The following PDZD2 variants were observed in gnomAD, a reference collection of about 807,000 sequenced individuals.
The protein encoded by PDZD2 is PDZ domain-containing protein 2.
PDZD2 carries 90 observed loss-of-function variants against 220.7 expected under a neutral mutation model. The ratio of observed to expected loss-of-function variants is 0.41; its 90% CI spans 0.34 to 0.49. The LOEUF is 0.49. Ranked by LOEUF, PDZD2 falls within the 20% of genes least tolerant of loss-of-function variation. The pLI, the probability that PDZD2 is intolerant of heterozygous loss-of-function variation, is 0.28. For synonymous variants in PDZD2, 1,375 were observed against 1,450.5 expected, an observed-to-expected ratio of 0.95 and a Z score of 1.18; for missense variants, 3,174 against 3,608.5, an observed-to-expected ratio of 0.88 and a Z score of 3.08.
chr5:32,055,386 G>A (rs1739001739), intron 10 of PDZD2, among the ~76,000 whole-genome samples: 1 of 151,830 alleles, frequency 6.6e-6, no homozygotes, highest in African/African-American at 2.4e-5. Context: ...TTTAAGAGAT[G>A]GAGTCTCACT....
intron 1 of PDZD2, among the ~76,000 whole-genome samples, chr5:31,643,213 A>G (rs805229): frequency 0.082 from 12,476 of 152,248 alleles, 1,035 homozygotes; most frequent in East Asian, 0.36. Context: ...GTGAGAGCCC[A>G]GTGGAATGGA....
chr5:31,997,228 C>T (rs1266188683), intron 4 of PDZD2, among the ~76,000 whole-genome samples: 3 of 152,078 alleles, frequency 2.0e-5, no homozygotes, highest in Non-Finnish European at 2.9e-5. Flanking sequence ...AGGGGTGTGG[C>T]AAACCAGACT....
chr5:32,049,318 C>T (rs964929232), intron 8 of PDZD2, among the ~76,000 whole-genome samples: 21 of 152,218 alleles, frequency 1.4e-4, no homozygotes, highest in Admixed American at 8.5e-4. Context: ...AAGGCAGGCT[C>T]AGTCCCTGAG....
chr5:32,034,903 A>T (rs1419142085), intron 6 of PDZD2, among the ~76,000 whole-genome samples: 2 of 152,178 alleles, frequency 1.3e-5, no homozygotes, highest in Non-Finnish European at 2.9e-5. Flanking sequence ...CCCTCCAGGG[A>T]ATCTCTAAAA....
At chr5:31,805,758 A>G (rs1202827553) in intron 2 of PDZD2, among the ~76,000 whole-genome samples, 1 of 152,210 alleles carries the variant, frequency 6.6e-6, no homozygotes, top group East Asian at 1.9e-4. Context: ...AAATAGGATC[A>G]TTGCAGGAAT....
chr5:32,104,820 A>G (rs919707690), intron 24 of PDZD2, among the ~76,000 whole-genome samples: 4 of 151,572 alleles, frequency 2.6e-5, no homozygotes, highest in African/African-American at 9.7e-5. Flanking sequence ...TATTTACAAT[A>G]TATTTAATAA....
Position 32,089,453 on chromosome 5 carries a change from A to C in PDZD2, c.6005A>C (p.His2002Pro). 1 of 1,613,926 alleles carries C rather than the reference A, an allele frequency of 6.2e-7. No homozygotes were observed. The highest frequency in any genetic ancestry group is 1.7e-5 in the Admixed American group (1 of 60,024). Residue 2002 changes from histidine (H) to proline (P), a missense_variant, in exon 20 of 25, where the codon CAC becomes CCC. This residue lies in a region of PDZD2 where 1,861 missense variants were observed against 2,001.0 expected (regional missense o/e 0.93). Coordinates refer to ENST00000438447, the MANE Select transcript of PDZD2 (RefSeq NM_178140.4). ...VPEQGMWSRF[H>P]MAVLSEPDRG... is the part of the protein sequence containing the mutation. ...GAGCAAGGCATGTGGAGCAGGTTCC[A>C]CATGGCTGTCCTCTCTGAACCCGAC... is the stretch of plus-strand genomic sequence containing the variant.
chr5:31,771,449 C>CTG (rs1752333238), intron 1 of PDZD2, among the ~76,000 whole-genome samples: 1 of 152,122 alleles, frequency 6.6e-6, no homozygotes, highest in Admixed American at 6.6e-5. Context: ...TCAGGGCCAC[C>CTG]AAGATCTATG....
intron 1 of PDZD2, among the ~76,000 whole-genome samples, chr5:31,774,688 C>A (rs1298458351): frequency 1.3e-5 from 2 of 151,570 alleles, no homozygotes; most frequent in Non-Finnish European, 2.9e-5. Flanking sequence ...CTTTGCACTC[C>A]AGCCTGTGAA....
At chr5:31,891,419 G>A (rs181313592) in intron 2 of PDZD2, among the ~76,000 whole-genome samples, 1 of 152,258 alleles carries the variant, frequency 6.6e-6, no homozygotes, top group African/African-American at 2.4e-5. Context: ...AGGTTCAAGT[G>A]ATTCTCCTCC....
intron 1 of PDZD2, among the ~76,000 whole-genome samples, chr5:31,779,984 C>G (rs972578960): frequency 6.6e-6 from 1 of 152,146 alleles, no homozygotes; most frequent in Non-Finnish European, 1.5e-5. Flanking sequence ...GGATTGAAGA[C>G]GTCGCCAGTT....
chr5:31,787,182 C>A (rs1003124164), intron 1 of PDZD2, among the ~76,000 whole-genome samples: 10 of 152,174 alleles, frequency 6.6e-5, no homozygotes, highest in Non-Finnish European at 1.0e-4. Context: ...CCTGACTGTT[C>A]TCAGTCAATT....
At position 31,749,788 on chromosome 5, in the gene PDZD2, A is replaced by G. The variant is rs1031585126; in HGVS notation, c.-360-49101A>G. ...GCTGCACTCCATTATGCTCTCCCCA[A>G]GTGTTCCTGGGTTGCTCCACAGGCT... On this transcript the variant is annotated intron_variant, in intron 1 of 24. Coordinates refer to ENST00000438447, the MANE Select transcript of PDZD2 (RefSeq NM_178140.4). Among the ~76,000 whole-genome samples the G allele has an allele frequency of 3.3e-5, 5 of 152,098 alleles. No individual in the cohort carries two copies. In the East Asian group the frequency reaches 5.8e-4, roughly 18 times the overall value.
At position 32,090,781 on chromosome 5, in the gene PDZD2, T is replaced by C. The variant is rs769949048; in HGVS notation, c.7333T>C (p.Ser2445Pro). The change falls in exon 20 of 25, where the codon TCA (serine) becomes CCA (proline). Residue 2445 changes from serine (S) to proline (P), a missense_variant. Coordinates refer to ENST00000438447, the MANE Select transcript of PDZD2 (RefSeq NM_178140.4). This position sits in a 1 kb window ranked among gnomAD's most constrained non-coding sequence, Gnocchi z 4.3. ...GGGCTCTGATTCGGAACTAAAGAAA[T>C]CACTTGGTCCTTTGGGAATTCCCAC... is the stretch of plus-strand genomic sequence containing the variant. Reference protein sequence around the residue: ...SKGSDSELKKSLGPLGIPTPT... With the variant: ...SKGSDSELKKPLGPLGIPTPT... 12 of 1,613,932 alleles carry C rather than the reference T, an allele frequency of 7.4e-6. No homozygotes were observed. Among genetic ancestry groups the C allele is most frequent in the Non-Finnish European group, 9.3e-6 (11 of 1,179,992 alleles).
At chr5:31,896,760 G>C (rs1741607918) in intron 2 of PDZD2, among the ~76,000 whole-genome samples, 1 of 152,198 alleles carries the variant, frequency 6.6e-6, no homozygotes, top group African/African-American at 2.4e-5. Flanking sequence ...AGGAGTTCGA[G>C]ACCAGCTCTG....
chr5:31,772,752 T>C (rs1039846373), intron 1 of PDZD2, among the ~76,000 whole-genome samples: 9 of 152,262 alleles, frequency 5.9e-5, no homozygotes, highest in African/African-American at 1.9e-4. Context: ...CATGGTTTCC[T>C]AGACATTTGT....
intron 2 of PDZD2, chr5:31,936,266 C>T: frequency 4.2e-5 from 41 of 987,680 alleles, no homozygotes; most frequent in Non-Finnish European, 4.9e-5. Context: ...AAGTGAAGCA[C>T]AACCAACTTT....
chr5:31,703,091 G>A (rs962116463), intron 1 of PDZD2, among the ~76,000 whole-genome samples: 11 of 152,278 alleles, frequency 7.2e-5, no homozygotes, highest in African/African-American at 2.4e-4. Context: ...GAAGAGCACT[G>A]GGCTTCATGC....
At chr5:32,042,253 CTCTG>C (rs2112257660) in intron 7 of PDZD2, among the ~76,000 whole-genome samples, 1 of 135,088 alleles carries the variant, frequency 7.4e-6, no homozygotes, top group East Asian at 2.3e-4. Flanking sequence ...CAGAGTGAGA[CTCTG>C]TCTAAAAAAA....
Sources: gnomAD v4.1 joint callset for allele counts (sites outside exome capture counted in the v4.1 genomes callset) on GRCh38, gnomAD v4.1.1 for gene constraint, gnomAD v4.1.1 regional missense constraint, Gnocchi (gnomAD v3.1) non-coding constraint, MANE v1.5 for transcripts, NCBI Gene and HGNC (gene_info 2026-07-23, HGNC 2026-07-21) for gene names.